Variants in ADGRV1 observed in about 807,000 individuals in gnomAD.
ADGRV1 encodes the protein G-protein coupled receptor 98.
In ADGRV1, 359 loss-of-function variants were observed where a neutral mutation model predicts 596.2. The observed-to-expected ratio is 0.60, with a 90% CI of 0.55 to 0.66. ADGRV1 has a LOEUF of 0.66. Among genes scored for constraint, ADGRV1 ranks in the 30% least tolerant of loss-of-function variants. ADGRV1 has a pLI of 0.00. For missense variants in ADGRV1, 7,274 were observed against 7,575.6 expected (o/e 0.96, Z 1.48); for synonymous variants, 2,681 against 2,679.2 (o/e 1.00, Z -0.02).
At chr5:90,757,805 GA>G (rs1335991849) in intron 57 of ADGRV1, among the ~76,000 whole-genome samples, 2 of 152,204 alleles carry the variant, frequency 1.3e-5, no homozygotes, top group East Asian at 3.9e-4. Flanking sequence ...TCAGTAAGTG[GA>G]AAAGGCATAT....
intron 3 of ADGRV1, among the ~76,000 whole-genome samples, chr5:90,618,420 A>T (rs1763638768): frequency 1.3e-5 from 2 of 152,200 alleles, no homozygotes; most frequent in African/African-American, 4.8e-5. Flanking sequence ...TTGGTTTATT[A>T]GGTTGAGGCA....
chr5:90,707,191 T>C (rs1273028561), intron 38 of ADGRV1, among the ~76,000 whole-genome samples: 2 of 152,146 alleles, frequency 1.3e-5, no homozygotes, highest in Non-Finnish European at 2.9e-5. Flanking sequence ...TCATTAATGA[T>C]TGAAATTGCA....
intron 87 of ADGRV1, among the ~76,000 whole-genome samples, chr5:91,104,362 C>T (rs977692168): frequency 6.6e-6 from 1 of 152,162 alleles, no homozygotes; most frequent in African/African-American, 2.4e-5. Flanking sequence ...CGTATTGATA[C>T]ATATAACATG....
rs1554064666 is a variant in ADGRV1 at position 90,627,623 on chromosome 5, T to C, written c.1085T>C (p.Leu362Ser). The change falls in exon 7 of 90, where the codon TTA (leucine) becomes TCA (serine). Residue 362 changes from leucine (L) to serine (S), a missense_variant. Around this residue, in one of 5 missense-constraint regions of ADGRV1, gnomAD observed 1,715 missense variants for 1,708.8 expected, o/e 1.00. Coordinates refer to ENST00000405460, the MANE Select transcript of ADGRV1 (RefSeq NM_032119.4). Reference sequence around the variant, plus strand: ...ATTGCTGAATCGTTTCACATTATGTTACTAAAAGATACCTTACAGGGAGAT... The same window carrying C: ...ATTGCTGAATCGTTTCACATTATGTCACTAAAAGATACCTTACAGGGAGAT... ...PEIAESFHIM[L>S]LKDTLQGDAV... 3 of 1,613,934 alleles carry C rather than the reference T, an allele frequency of 1.9e-6. No individual in the cohort carries two copies. The highest frequency in any genetic ancestry group is 1.7e-6 in the Non-Finnish European group (2 of 1,179,862).
rs1767506996 is a variant in ADGRV1, at chr5:90,644,854, C to T, written c.2883C>T (p.Tyr961=). ...DQEFSKNITI[Y]SLPDEIPEEM... is the part of the protein sequence containing the mutation. The stretch of plus-strand genomic sequence containing the variant: ...AATTTTCAAAAAATATCACCATTTA[C>T]TCCCTTCCAGATGAGGTAAATATTG... Residue 961 remains tyrosine (Y), a synonymous_variant, in exon 15 of 90, where the codon TAC becomes TAT. Transcript: ENST00000405460. The T allele has an allele frequency of 1.2e-6, 2 of 1,602,074 alleles. No homozygotes were observed. Among genetic ancestry groups the T allele is most frequent in the African/African-American group, 1.3e-5 (1 of 74,460 alleles).
intron 34 of ADGRV1, among the ~76,000 whole-genome samples, chr5:90,702,423 A>G (rs1399637749): frequency 6.6e-6 from 1 of 151,908 alleles, no homozygotes; most frequent in Non-Finnish European, 1.5e-5. Context: ...GCTTTTGTTT[A>G]TATTATCCAC....
At chr5:91,034,156 A>G (rs1056575864) in intron 85 of ADGRV1, among the ~76,000 whole-genome samples, 9 of 152,168 alleles carry the variant, frequency 5.9e-5, no homozygotes, top group Non-Finnish European at 1.3e-4. Flanking sequence ...CAAATCTTCC[A>G]AAATATAGCT....
chr5:90,875,903 A>G lies in ADGRV1; in HGVS notation c.17856+12046A>G, dbSNP rs146016968. 1.8e-3 allele frequency among the ~76,000 whole-genome samples: 280 copies of G among 152,346 alleles called. 2 individuals are homozygous for G. Among genetic ancestry groups the G allele is most frequent in the East Asian group, 1.9e-3 (10 of 5,186 alleles). On this transcript the variant is annotated intron_variant, in intron 83 of 89. Coordinates refer to ENST00000405460, the MANE Select transcript of ADGRV1 (RefSeq NM_032119.4). The stretch of plus-strand genomic sequence containing the variant: ...AAAGCTAATTTTAATAGTGTTAACT[A>G]GTAAATGTCTGTAGTGCCAAAATAA...
intron 79 of ADGRV1, among the ~76,000 whole-genome samples, chr5:90,849,681 T>C (rs906801898): frequency 6.6e-6 from 1 of 152,198 alleles, no homozygotes; most frequent in Admixed American, 6.5e-5. Context: ...TGAGCCACTG[T>C]GCCCAGCCCA....
intron 74 of ADGRV1, among the ~76,000 whole-genome samples, chr5:90,813,485 C>T: frequency 6.6e-6 from 1 of 152,098 alleles, no homozygotes; most frequent in East Asian, 1.9e-4. Flanking sequence ...CAGTGCCTAC[C>T]CCTTCATCAG....
At chr5:90,623,944 A>G (rs1005862578) in intron 5 of ADGRV1, among the ~76,000 whole-genome samples, 2 of 152,160 alleles carry the variant, frequency 1.3e-5, no homozygotes, top group African/African-American at 2.4e-5. Flanking sequence ...ATCTTCAACT[A>G]ATTTTTGTGT....
chr5:90,913,634 A>G (rs1362458023), intron 83 of ADGRV1, among the ~76,000 whole-genome samples: 3 of 151,916 alleles, frequency 2.0e-5, no homozygotes, highest in Admixed American at 6.5e-5. Flanking sequence ...TGAGGAAACT[A>G]AATATCTTCC....
intron 84 of ADGRV1, among the ~76,000 whole-genome samples, chr5:90,984,195 G>A (rs1780305957): frequency 6.6e-6 from 1 of 152,032 alleles, no homozygotes; most frequent in South Asian, 2.1e-4. Flanking sequence ...TAATGAGTAT[G>A]AATGAATTAT....
At chr5:90,972,856 C>T (rs1428112506) in intron 84 of ADGRV1, among the ~76,000 whole-genome samples, 1 of 151,836 alleles carries the variant, frequency 6.6e-6, no homozygotes, top group Non-Finnish European at 1.5e-5. Flanking sequence ...AAGATCAGAG[C>T]AGAAATGAAG....
chr5:90,606,507 A>T (rs971163461), intron 1 of ADGRV1, among the ~76,000 whole-genome samples: 2 of 152,226 alleles, frequency 1.3e-5, no homozygotes, highest in African/African-American at 2.4e-5. Flanking sequence ...ACTACAAAGA[A>T]GGAAACAAAA....
chr5:91,052,497 T>A (rs976081161), intron 85 of ADGRV1, among the ~76,000 whole-genome samples: 2 of 151,656 alleles, frequency 1.3e-5, no homozygotes, highest in African/African-American at 4.8e-5. Context: ...AGTGGCACAG[T>A]GATCTCAGCT....
intron 1 of ADGRV1, among the ~76,000 whole-genome samples, chr5:90,599,074 T>TA (rs1237558631): frequency 6.6e-6 from 1 of 152,002 alleles, no homozygotes; most frequent in East Asian, 1.9e-4. Flanking sequence ...CTCATGGCCA[T>TA]AAAAAACCCC....
chr5:91,091,911 C>T (rs181143967), intron 86 of ADGRV1: 1 of 152,296 alleles, frequency 6.6e-6, no homozygotes, highest in African/African-American at 2.4e-5. Flanking sequence ...AAATGCAAAT[C>T]TCTTTTGGAA....
intron 85 of ADGRV1, among the ~76,000 whole-genome samples, chr5:91,061,880 C>A (rs1787464954): frequency 6.6e-6 from 1 of 152,232 alleles, no homozygotes; most frequent in African/African-American, 2.4e-5. Context: ...TGTGTGTTCA[C>A]TCCCTTTTTC....
Sources: gnomAD v4.1 joint callset for allele counts (sites outside exome capture counted in the v4.1 genomes callset) on GRCh38, gnomAD v4.1.1 for gene constraint, gnomAD v4.1.1 regional missense constraint, MANE v1.5 for transcripts, NCBI Gene and HGNC (gene_info 2026-07-23, HGNC 2026-07-21) for gene names.